Variants in RTL9 observed in about 807,000 individuals in gnomAD.
RTL9 encodes retrotransposon Gag-like protein 9.
Under a neutral mutation model 44.7 loss-of-function variants are expected in RTL9, and 19 were observed. The observed-to-expected ratio is 0.42, with a 90% CI of 0.30 to 0.62. The LOEUF is 0.62. RTL9 is among the 20% of genes least tolerant of loss of function. The pLI, the probability that RTL9 is intolerant of heterozygous loss-of-function variation, is 0.16. For synonymous variants in RTL9, 407 were observed against 398.9 expected (o/e 1.02, Z -0.24); for missense variants, 1,105 against 1,080.6 (o/e 1.02, Z -0.32).
exon 2 of RTL9, chrX:110,455,394 A>T (rs1371562655): frequency 8.9e-7 from 1 of 1,122,593 alleles, no homozygotes; most frequent in Non-Finnish European, 1.2e-6. Context: ...GACCCATTCC[A>T]TTAAACTACA....
At chrX:110,410,981 A>G (rs1400422085) in intron 1 of RTL9, among the ~76,000 whole-genome samples, 1 of 112,360 alleles carries the variant, frequency 8.9e-6, no homozygotes, top group Non-Finnish European at 1.9e-5. Flanking sequence ...TGGCAAATCT[A>G]TCTGCTCTCT....
upstream of RTL9, among the ~76,000 whole-genome samples, chrX:110,447,111 CTTTTTTTTTTT>C (rs1181988453): frequency 5.4e-5 from 2 of 36,827 alleles, no homozygotes; most frequent in African/African-American, 3.1e-4. Flanking sequence ...TATTCTGTGA[CTTTTTTTTTTT>C]TTTTTTTTTT....
At chrX:110,451,335 G>A (rs776840590) in exon 1 of RTL9, 5 of 1,211,962 alleles carry the variant, frequency 4.1e-6, no homozygotes, top group Middle Eastern at 2.3e-4. Flanking sequence ...TGAAGACACC[G>A]AAGCAATGTC....
chrX:110,441,919 C>T (rs891706566), intron 1 of RTL9, among the ~76,000 whole-genome samples: 3 of 111,295 alleles, frequency 2.7e-5, no homozygotes, highest in African/African-American at 9.8e-5. Context: ...TATTATCATC[C>T]CCATTTCATA....
At chrX:110,371,955 T>C (rs754073546) in intron 1 of RTL9, among the ~76,000 whole-genome samples, 1 of 111,613 alleles carries the variant, frequency 9.0e-6, no homozygotes. Context: ...ATGCTCTCAA[T>C]ATCCTACTAG....
At chrX:110,376,824 A>C (rs2068379995) in intron 1 of RTL9, among the ~76,000 whole-genome samples, 1 of 112,229 alleles carries the variant, frequency 8.9e-6, no homozygotes, top group Non-Finnish European at 1.9e-5. Flanking sequence ...GGCAAGTCAA[A>C]TGTATCTGGC....
intron 1 of RTL9, among the ~76,000 whole-genome samples, chrX:110,374,205 A>G (rs1248842633): frequency 1.8e-5 from 2 of 112,270 alleles, no homozygotes; most frequent in African/African-American, 6.5e-5. Flanking sequence ...TGTAGATGCA[A>G]CAGGGTGAAA....
At chrX:110,371,791 G>A (rs950789609) in intron 1 of RTL9, among the ~76,000 whole-genome samples, 1 of 111,454 alleles carries the variant, frequency 9.0e-6, no homozygotes, top group African/African-American at 3.3e-5. Context: ...CTCTGTCTAG[G>A]TTCTGGTTAA....
intron 1 of RTL9, among the ~76,000 whole-genome samples, chrX:110,413,826 T>A (rs1265728808): frequency 9.0e-6 from 1 of 111,544 alleles, no homozygotes; most frequent in Non-Finnish European, 1.9e-5. Context: ...TGGAACATGA[T>A]GATGATGATG....
At chrX:110,395,481 T>A (rs1227702562) in intron 1 of RTL9, among the ~76,000 whole-genome samples, 1 of 112,011 alleles carries the variant, frequency 8.9e-6, no homozygotes, top group Non-Finnish European at 1.9e-5. Context: ...AATCCTCATG[T>A]AATCCTACAA....
chrX:110,362,794 T>C (rs2068272870), intron 1 of RTL9, among the ~76,000 whole-genome samples: 1 of 112,409 alleles, frequency 8.9e-6, no homozygotes, highest in Non-Finnish European at 1.9e-5. Context: ...TCATTCATTA[T>C]TTTATATAGT....
chrX:110,417,997 T>G (rs1055982787), upstream of RTL9, among the ~76,000 whole-genome samples: 1 of 112,740 alleles, frequency 8.9e-6, no homozygotes, highest in Non-Finnish European at 1.9e-5. Context: ...AAAAGCTTCA[T>G]GCCAGAGATG....
In RTL9 at chrX:110,380,544, G is replaced by A. The variant is rs777328423; in HGVS notation, c.-168+21628G>A. 6.3e-5 allele frequency among the ~76,000 whole-genome samples: 7 copies of A among 111,758 alleles called. No individual in the cohort carries two copies. In the South Asian group the frequency reaches 2.6e-3, roughly 42 times the overall value. On this transcript the variant is annotated intron_variant, in intron 1 of 2. Transcript: ENST00000520821. ...GCTCAAAGCAATCTACAGATTCAAC[G>A]CTATTCCTATCAAATAACCAATGTC... is the stretch of plus-strand genomic sequence containing the variant.
At chrX:110,431,009 T>G (rs2068792261) in intron 1 of RTL9, among the ~76,000 whole-genome samples, 1 of 112,111 alleles carries the variant, frequency 8.9e-6, no homozygotes, top group African/African-American at 3.3e-5. Context: ...ACTTGGATTT[T>G]GCCTTCATAG....
intron 1 of RTL9, among the ~76,000 whole-genome samples, chrX:110,362,170 G>T (rs188746074): frequency 8.9e-6 from 1 of 111,877 alleles, no homozygotes; most frequent in Non-Finnish European, 1.9e-5. Flanking sequence ...AGCCATTGAT[G>T]GTGCAGAATC....
chrX:110,451,369 C>G (rs1327760478), exon 1 of RTL9: 1 of 1,211,920 alleles, frequency 8.3e-7, no homozygotes, highest in South Asian at 1.8e-5. Context: ...ACTGCTCTAG[C>G]CTCTGGAGAG....
chrX:110,390,283 G>C (rs1384265137), intron 1 of RTL9, among the ~76,000 whole-genome samples: 1 of 110,584 alleles, frequency 9.0e-6, no homozygotes, highest in Non-Finnish European at 1.9e-5. Flanking sequence ...TAAACACAAG[G>C]GTCAATTCAA....
At chrX:110,452,469 C>T in exon 1 of RTL9, 2 of 1,211,896 alleles carry the variant, frequency 1.7e-6, no homozygotes, top group South Asian at 3.5e-5. Flanking sequence ...GTCCAAGCCA[C>T]TAATGACACC....
At chrX:110,371,055 T>G (rs1170311492) in intron 1 of RTL9, among the ~76,000 whole-genome samples, 1 of 111,446 alleles carries the variant, frequency 9.0e-6, no homozygotes, top group Non-Finnish European at 1.9e-5. Flanking sequence ...ATAAAATGCC[T>G]TTGTGGAATA....
Sources: gnomAD v4.1 joint callset for allele counts (sites outside exome capture counted in the v4.1 genomes callset) on GRCh38, gnomAD v4.1.1 for gene constraint, MANE v1.5 for transcripts, NCBI Gene and HGNC (gene_info 2026-07-23, HGNC 2026-07-21) for gene names.